The following NDST3 variants were observed in gnomAD, a reference collection of about 807,000 sequenced individuals.
NDST3 encodes the protein bifunctional heparan sulfate N-deacetylase/N-sulfotransferase 3.
Under a neutral mutation model 96.1 loss-of-function variants are expected in NDST3, and 58 were observed. The ratio of observed to expected loss-of-function variants is 0.60; its 90% CI spans 0.49 to 0.75. NDST3 has a LOEUF of 0.75. Ranked by LOEUF, NDST3 falls within the 30% of genes least tolerant of loss-of-function variation. NDST3 has a pLI of 0.00. For missense variants in NDST3, 788 were observed against 1,034.2 expected (o/e 0.76, Z 3.27); for synonymous variants, 333 against 359.7 (o/e 0.93, Z 0.84).
At chr4:118,227,834 G>A (rs1172377924) in intron 8 of NDST3, among the ~76,000 whole-genome samples, 1 of 151,928 alleles carries the variant, frequency 6.6e-6, no homozygotes, top group Non-Finnish European at 1.5e-5. Flanking sequence ...GGATGGTCTC[G>A]ATCTCCTGAC....
At chr4:118,147,420 C>G (rs1379625556) in intron 6 of NDST3, among the ~76,000 whole-genome samples, 1 of 152,168 alleles carries the variant, frequency 6.6e-6, no homozygotes, top group Non-Finnish European at 1.5e-5. Context: ...TACCTAGATA[C>G]AAACATTCTT....
chr4:118,135,356 T>A (rs1375263072), intron 4 of NDST3, among the ~76,000 whole-genome samples: 2 of 152,148 alleles, frequency 1.3e-5, no homozygotes, highest in African/African-American at 2.4e-5. Flanking sequence ...ATACAGTCTG[T>A]CTCTTTTAGT....
chr4:118,206,692 A>G (rs550654324), intron 6 of NDST3, among the ~76,000 whole-genome samples: 5 of 144,488 alleles, frequency 3.5e-5, no homozygotes, highest in Non-Finnish European at 4.6e-5. Context: ...GGGAGAAACA[A>G]AAGTGAGGAG....
intron 12 of NDST3, among the ~76,000 whole-genome samples, chr4:118,250,632 G>A (rs1256669985): frequency 6.6e-6 from 1 of 151,934 alleles, no homozygotes; most frequent in African/African-American, 2.4e-5. Flanking sequence ...TTACAGGCAT[G>A]CAGCACCATG....
chr4:118,247,673 C>T (rs613083), intron 12 of NDST3, among the ~76,000 whole-genome samples: 117,012 of 152,150 alleles, frequency 0.77, 48,404 homozygotes, highest in South Asian at 0.92. Context: ...TGTTCTAAAA[C>T]TGGATTGTGG....
intron 2 of NDST3, among the ~76,000 whole-genome samples, chr4:118,091,375 C>A (rs555837933): frequency 3.3e-5 from 5 of 151,850 alleles, no homozygotes; most frequent in African/African-American, 1.2e-4. Flanking sequence ...CATAAGATCC[C>A]TCGAAAATAT....
At chr4:118,060,007 T>C (rs1468282041) in intron 2 of NDST3, among the ~76,000 whole-genome samples, 1 of 152,124 alleles carries the variant, frequency 6.6e-6, no homozygotes, top group African/African-American at 2.4e-5. Context: ...ATTTACTTTA[T>C]AACTGGATAC....
intron 6 of NDST3, among the ~76,000 whole-genome samples, chr4:118,178,542 A>G (rs1422381814): frequency 6.6e-6 from 1 of 152,016 alleles, no homozygotes. Context: ...GTAATATTCC[A>G]TTGTATGTAT....
chr4:118,239,049 T>C (rs985241905), intron 10 of NDST3, among the ~76,000 whole-genome samples: 1 of 152,226 alleles, frequency 6.6e-6, no homozygotes, highest in African/African-American at 2.4e-5. Context: ...GAATGTTCTA[T>C]GTACAAAAAC....
At position 118,249,993 on chromosome 4, in the gene NDST3, C is replaced by T. The variant is rs547433197; in HGVS notation, c.2400-3506C>T. The stretch of plus-strand genomic sequence containing the variant: ...CATCAAGCTACTTTCTTTCACTTAG[C>T]ATAATGATTCTGAGTTTCCTCTATG... On this transcript the variant is annotated intron_variant, in intron 12 of 13. Coordinates refer to ENST00000296499, the MANE Select transcript of NDST3 (RefSeq NM_004784.3). Among the ~76,000 whole-genome samples, 21 of 152,306 alleles carry T rather than the reference C, an allele frequency of 1.4e-4. No homozygotes were observed. In the South Asian group the frequency reaches 3.9e-3, roughly 29 times the overall value.
chr4:118,231,413 T>C (rs1740287792), intron 8 of NDST3, among the ~76,000 whole-genome samples: 1 of 150,132 alleles, frequency 6.7e-6, no homozygotes, highest in Non-Finnish European at 1.5e-5. Context: ...GTAAATACTA[T>C]ACTATCATCT....
At position 118,149,169 on chromosome 4, in the gene NDST3, A is replaced by T. The variant is rs4404621; in HGVS notation, c.1539+5485A>T. Among the ~76,000 whole-genome samples the T allele has an allele frequency of 7.2e-3, 1,096 of 152,264 alleles. 8 individuals are homozygous for T. Among genetic ancestry groups the T allele is most frequent in the African/African-American group, 0.025 (1,054 of 41,540 alleles). ...TTTGGTTACTGTAGCCTTGTAGTAT[A>T]GTTTGAAGTCAGGCAGCGTGGTTCC... On this transcript the variant is annotated intron_variant, in intron 6 of 13. Transcript: ENST00000296499.
intron 2 of NDST3, among the ~76,000 whole-genome samples, chr4:118,086,491 T>C (rs1728433948): frequency 6.6e-6 from 1 of 152,074 alleles, no homozygotes; most frequent in Non-Finnish European, 1.5e-5. Flanking sequence ...ACCTTCTTCC[T>C]GATTGAAAGA....
At chr4:118,074,612 T>C (rs1023861391) in intron 2 of NDST3, among the ~76,000 whole-genome samples, 16 of 152,166 alleles carry the variant, frequency 1.1e-4, no homozygotes, top group African/African-American at 3.9e-4. Flanking sequence ...TCTCCATCCC[T>C]TACTTTGAGG....
At chr4:118,174,335 T>C (rs1736143536) in intron 6 of NDST3, among the ~76,000 whole-genome samples, 1 of 152,238 alleles carries the variant, frequency 6.6e-6, no homozygotes, top group South Asian at 2.1e-4. Flanking sequence ...TCAAGCTTTA[T>C]AAATATAAAA....
intron 6 of NDST3, among the ~76,000 whole-genome samples, chr4:118,192,722 T>G (rs991440784): frequency 6.6e-6 from 1 of 151,476 alleles, no homozygotes; most frequent in Non-Finnish European, 1.5e-5. Flanking sequence ...GGTTTTTTTT[T>G]TTGTTTTTAT....
intron 2 of NDST3, among the ~76,000 whole-genome samples, chr4:118,094,732 G>A (rs1729152145): frequency 6.6e-6 from 1 of 151,758 alleles, no homozygotes; most frequent in African/African-American, 2.4e-5. Context: ...ACTGCTCTGG[G>A]CACTGCAGAT....
intron 6 of NDST3, among the ~76,000 whole-genome samples, chr4:118,219,422 C>T (rs1739395716): frequency 6.6e-6 from 1 of 152,022 alleles, no homozygotes; most frequent in Non-Finnish European, 1.5e-5. Flanking sequence ...ACACAACTGA[C>T]AAAAACAAAC....
At chr4:118,074,567 T>C (rs1250000968) in intron 2 of NDST3, among the ~76,000 whole-genome samples, 1 of 152,194 alleles carries the variant, frequency 6.6e-6, no homozygotes, top group Non-Finnish European at 1.5e-5. Flanking sequence ...TAACAACTCC[T>C]GCTTTTCTTG....
Sources: allele counts gnomAD v4.1 joint callset (sites outside exome capture counted in the v4.1 genomes callset), GRCh38; gene constraint gnomAD v4.1.1; transcripts MANE v1.5; gene names NCBI Gene and HGNC (gene_info 2026-07-23, HGNC 2026-07-21).